The following WHRN variants were observed in gnomAD, a reference collection of about 807,000 sequenced individuals.
WHRN encodes the protein whirlin, also known as CASK-interacting protein CIP98.
A neutral mutation model predicts 68.3 loss-of-function variants in WHRN; 41 were observed. That is an observed-to-expected ratio of 0.60 (90% confidence interval 0.47 to 0.78). WHRN has a LOEUF of 0.78. WHRN is among the 30% of genes least tolerant of loss of function. The probability of loss-of-function intolerance (pLI) is 0.00; values close to 1 mark genes in which losing one functional copy is unlikely to be tolerated. For synonymous variants in WHRN, 560 were observed against 561.3 expected (o/e 1.00, Z 0.03); for missense variants, 1,243 against 1,244.7 (o/e 1.00, Z 0.02).
chr9:114,404,268 C>T (rs1279424138), intron 9 of WHRN, among the ~76,000 whole-genome samples, 191 bp from the exon 10 acceptor site: 1 of 152,182 alleles, frequency 6.6e-6, no homozygotes, highest in Non-Finnish European at 1.5e-5. Flanking sequence ...CTACTCAAGA[C>T]CTGTCCTTTC....
At chr9:114,438,052 G>C (rs1003486113) in intron 3 of WHRN, among the ~76,000 whole-genome samples, 1 of 152,112 alleles carries the variant, frequency 6.6e-6, no homozygotes, top group African/African-American at 2.4e-5. Flanking sequence ...TGGGGAATAT[G>C]GTGAAACCCC....
At chr9:114,439,254 C>T (rs1009909319) in intron 3 of WHRN, among the ~76,000 whole-genome samples, 4 of 152,000 alleles carry the variant, frequency 2.6e-5, no homozygotes, top group Admixed American at 2.6e-4. Context: ...TGGGGGAAAC[C>T]CTATTCAATG....
chr9:114,455,337 C>T (rs749128079), intron 3 of WHRN, among the ~76,000 whole-genome samples: 16 of 152,060 alleles, frequency 1.1e-4, no homozygotes, highest in Non-Finnish European at 1.9e-4. Context: ...ACTTCAGCCT[C>T]CCAAGTAGCC....
chr9:114,413,303 C>G (rs549941129), intron 7 of WHRN, among the ~76,000 whole-genome samples: 29 of 152,158 alleles, frequency 1.9e-4, no homozygotes, highest in Non-Finnish European at 3.5e-4. Context: ...ACTGAAGAAG[C>G]AAAGAAAAGA....
intron 2 of WHRN, among the ~76,000 whole-genome samples, chr9:114,475,774 C>A (rs1021853725): frequency 1.3e-4 from 20 of 152,166 alleles, no homozygotes; most frequent in African/African-American, 4.8e-4. Flanking sequence ...GACATCAGCT[C>A]ATGCCCCTTC....
chr9:114,475,084 C>A (rs1841539892), intron 2 of WHRN, among the ~76,000 whole-genome samples: 1 of 152,162 alleles, frequency 6.6e-6, no homozygotes, highest in Admixed American at 6.5e-5. Context: ...CTAGGGAAAA[C>A]TGTATGGTGG....
intron 3 of WHRN, among the ~76,000 whole-genome samples, chr9:114,434,998 T>C (rs1358920804): frequency 1.3e-5 from 2 of 152,114 alleles, no homozygotes; most frequent in Non-Finnish European, 2.9e-5. Context: ...GACCAGACCA[T>C]TGTTCCTCTG....
chr9:114,412,970 T>C (rs10119353), intron 7 of WHRN, among the ~76,000 whole-genome samples: 63,604 of 152,086 alleles, frequency 0.42, 14,342 homozygotes, highest in South Asian at 0.55. Flanking sequence ...GGCTGTTACA[T>C]AAAGGTGCTA....
chr9:114,411,263 C>T (rs146123179), intron 7 of WHRN, among the ~76,000 whole-genome samples: 50 of 152,312 alleles, frequency 3.3e-4, no homozygotes, highest in African/African-American at 9.1e-4. Flanking sequence ...TCCAGCCAGG[C>T]GCGTTAAGGT....
chr9:114,418,399 TGCATGACCTTCCCAGGCC>T (rs1564127798), intron 7 of WHRN, among the ~76,000 whole-genome samples: 1 of 152,182 alleles, frequency 6.6e-6, no homozygotes, highest in Admixed American at 6.5e-5. Context: ...CAACTCAGGC[TGCATGACCTTCCCAGGCC>T]CTTCGTGGCC....
intron 7 of WHRN, among the ~76,000 whole-genome samples, chr9:114,417,345 C>A (rs1835889609): frequency 1.3e-5 from 2 of 152,232 alleles, no homozygotes; most frequent in Admixed American, 6.5e-5. Context: ...CGATAGCCAG[C>A]CACCTGATGT....
At chr9:114,419,688 C>T (rs965471880) in intron 7 of WHRN, among the ~76,000 whole-genome samples, 2 of 152,198 alleles carry the variant, frequency 1.3e-5, no homozygotes, top group Non-Finnish European at 2.9e-5. Context: ...AAGAACATTC[C>T]AGACAGAAAG....
At chr9:114,428,919 C>T (rs1477648590) in intron 3 of WHRN, among the ~76,000 whole-genome samples, 1 of 122,956 alleles carries the variant, frequency 8.1e-6, no homozygotes, top group Admixed American at 9.6e-5. Context: ...AGACATAGTA[C>T]CAGATTAATT....
chr9:114,445,990 T>C (rs1838791308), intron 3 of WHRN, among the ~76,000 whole-genome samples: 1 of 152,176 alleles, frequency 6.6e-6, no homozygotes, highest in South Asian at 2.1e-4. Context: ...AAGTTTTTAT[T>C]TACATGGGAA....
rs971582694 is a variant in WHRN at position 114,412,858 on chromosome 9, C to T, written c.1627-4840G>A. ...AAAGCCTGAGGCTGCCTGGGCACTG[C>T]GGGGCCACCTCAGCAAAATGCAGCT... On this transcript the variant is annotated intron_variant, in intron 7 of 11. Transcript: ENST00000362057. Among the ~76,000 whole-genome samples, 20 of 152,192 alleles carry T rather than the reference C, an allele frequency of 1.3e-4. No individual in the cohort carries two copies. The South Asian group carries it at 1.5e-3, about 11-fold the overall frequency.
chr9:114,468,886 C>T (rs1029209581), intron 2 of WHRN, among the ~76,000 whole-genome samples: 16 of 152,212 alleles, frequency 1.1e-4, no homozygotes, highest in Non-Finnish European at 1.8e-4. Context: ...TCAAGGCCCA[C>T]CCTGGTCCCT....
At chr9:114,434,096 C>G (rs1837643018) in intron 3 of WHRN, among the ~76,000 whole-genome samples, 1 of 151,768 alleles carries the variant, frequency 6.6e-6, no homozygotes, top group Admixed American at 6.6e-5. Context: ...CCAAAGTAAA[C>G]AGAGAAATTA....
chr9:114,467,577 A>C (rs1840829608), intron 2 of WHRN, among the ~76,000 whole-genome samples: 1 of 152,138 alleles, frequency 6.6e-6, no homozygotes, highest in South Asian at 2.1e-4. Context: ...TGCTCAGGAG[A>C]GCAAGTCCCG....
At position 114,425,586 on chromosome 9, in the gene WHRN, GACACACACACACAC is replaced by G. The variant is rs148103230; in HGVS notation, c.1167-576_1167-563del. 815 of 154,204 alleles carry G rather than the reference GACACACACACACAC, an allele frequency of 5.3e-3. 7 individuals carry two copies. Among genetic ancestry groups the G allele is most frequent in the Non-Finnish European group, 7.6e-3 (564 of 74,138 alleles). 9.6% of individuals were successfully genotyped at this position (154,204 alleles called of 1,614,324 possible). On this transcript the variant is annotated intron_variant, in intron 4 of 11. Coordinates refer to ENST00000362057, the MANE Select transcript of WHRN (RefSeq NM_015404.4). ...GCAGGTGAAAGGAAGGGAAGGGGGA[GACACACACACACAC>G]ACACACACACACACACACACACACA...
Sources: allele counts gnomAD v4.1 joint callset (sites outside exome capture counted in the v4.1 genomes callset), GRCh38; gene constraint gnomAD v4.1.1; transcripts MANE v1.5; gene names NCBI Gene and HGNC (gene_info 2026-07-23, HGNC 2026-07-21).